CYYR1: variants seen among roughly 807,000 people sequenced by gnomAD.
CYYR1 encodes the protein cysteine and tyrosine-rich protein 1.
CYYR1 carries 14 observed loss-of-function variants against 15.2 expected under a neutral mutation model. The observed-to-expected ratio is 0.92, with a 90% CI of 0.61 to 1.44. The LOEUF (loss-of-function observed/expected upper bound fraction) is 1.44, where lower values mean the gene tolerates loss of function less well. Ranked by LOEUF, CYYR1 falls within the 40% of genes most tolerant of loss-of-function variation. The pLI is 0.00. For missense variants in CYYR1, 228 were observed against 209.5 expected (o/e 1.09, Z -0.54); for synonymous variants, 80 against 77.4 (o/e 1.03, Z -0.18).
At chr21:26,517,069 C>G (rs569323341) in intron 2 of CYYR1, among the ~76,000 whole-genome samples, 1 of 126,384 alleles carries the variant, frequency 7.9e-6, no homozygotes, top group Non-Finnish European at 1.6e-5. Context: ...GAGCCGAGAT[C>G]GCGCCACTGC....
In CYYR1 at chr21:26,572,920, G is replaced by A. The variant is rs373284632; in HGVS notation, c.21C>T (p.Pro7=). Residue 7 remains proline (P), a synonymous_variant, in exon 1 of 4, where the codon CCC becomes CCT. Transcript: ENST00000652641. ...TCGGAAGCAAGACCCCTGGACGCAC[G>A]GGTAGCCTCGGAGCGTCCATCCAAG... MDAPRL[P]VRPGVLLPKL... 5.6e-6 allele frequency: 9 copies of A among 1,614,038 alleles called. No individual in the cohort carries two copies. The highest frequency in any genetic ancestry group is 7.6e-6 in the Non-Finnish European group (9 of 1,180,020).
At chr21:26,511,164 A>G (rs1220738630) in intron 2 of CYYR1, among the ~76,000 whole-genome samples, 1 of 152,242 alleles carries the variant, frequency 6.6e-6, no homozygotes, top group African/African-American at 2.4e-5. Context: ...TAGTAAACAG[A>G]TATTTGCCTC....
In CYYR1 at chr21:26,468,373, CCACCT is replaced by C. The variant is rs2123348074; in HGVS notation, c.*123_*127del. The C allele has an allele frequency of 1.3e-6, 1 of 745,846 alleles. No individual in the cohort carries two copies. The highest frequency in any genetic ancestry group is 1.9e-5 in the Admixed American group (1 of 53,076). The allele number at this position is 745,846 out of a possible 1,614,324, so 46.2% of individuals were successfully genotyped here. A position where few individuals can be genotyped will look rare whatever the true frequency, so the allele number is the denominator to read the frequency against. Reference sequence around the variant, plus strand: ...TCCTATATCTCCTAGCAGGGATATTCCACCTGACACATTATCTGACCCCAAAAAGT... The same window carrying C: ...TCCTATATCTCCTAGCAGGGATATTCGACACATTATCTGACCCCAAAAAGT... On this transcript the variant is annotated 3_prime_UTR_variant, in exon 4 of 4. Transcript: ENST00000652641.
chr21:26,497,486 ATACAGCCT>A (rs1440480540), intron 2 of CYYR1, among the ~76,000 whole-genome samples: 1 of 152,202 alleles, frequency 6.6e-6, no homozygotes, highest in Non-Finnish European at 1.5e-5. Context: ...AAAAATGGTT[ATACAGCCT>A]TCAGCCCTAT....
intron 2 of CYYR1, among the ~76,000 whole-genome samples, chr21:26,547,781 T>TC (rs1433913982): frequency 1.6e-4 from 1 of 6,240 alleles, no homozygotes; most frequent in African/African-American, 1.7e-3. Flanking sequence ...TATTTCTACT[T>TC]TTTTTTTTTT....
At chr21:26,533,239 T>A (rs898850580) in intron 2 of CYYR1, among the ~76,000 whole-genome samples, 5 of 148,906 alleles carry the variant, frequency 3.4e-5, no homozygotes, top group Admixed American at 1.3e-4. Flanking sequence ...CATAGTATAT[T>A]TATAAATACT....
In CYYR1 at chr21:26,573,116, A is replaced by G. The variant is rs1981125456; in HGVS notation, c.-176T>C. The G allele has an allele frequency of 1.3e-6, 2 of 1,511,390 alleles. No individual in the cohort carries two copies. Among genetic ancestry groups the G allele is most frequent in the Non-Finnish European group, 1.8e-6 (2 of 1,134,762 alleles). The allele number at this position is 1,511,390 out of a possible 1,614,324, so 93.6% of individuals were successfully genotyped here. On this transcript the variant is annotated 5_prime_UTR_variant, in exon 1 of 4. Transcript: ENST00000652641. ...GCCCGGGCCGGGCGCGTCCCGGGCCAGCGACTGCGGGACTCCGCGGAGCTG... is the reference window on the plus strand; with the variant it reads ...GCCCGGGCCGGGCGCGTCCCGGGCCGGCGACTGCGGGACTCCGCGGAGCTG...
intron 2 of CYYR1, among the ~76,000 whole-genome samples, chr21:26,510,172 C>G (rs573063509): frequency 6.6e-6 from 1 of 152,248 alleles, no homozygotes; most frequent in East Asian, 1.9e-4. Flanking sequence ...AGTTTGTAAA[C>G]AGAATTTCCA....
intron 2 of CYYR1, among the ~76,000 whole-genome samples, chr21:26,504,559 T>C (rs761187956): frequency 6.6e-6 from 1 of 152,168 alleles, no homozygotes; most frequent in African/African-American, 2.4e-5. Flanking sequence ...ATTTATGGAG[T>C]ACATGAGGTG....
At chr21:26,501,926 AC>A (rs1458238422) in intron 2 of CYYR1, among the ~76,000 whole-genome samples, 1 of 152,212 alleles carries the variant, frequency 6.6e-6, no homozygotes, top group Non-Finnish European at 1.5e-5. Context: ...AAACACATAC[AC>A]CAAAGGATCT....
In CYYR1 at chr21:26,468,564, G is replaced by A. The variant is rs763315936; in HGVS notation, c.405C>T (p.Pro135=). ...YCADLPPPYS[P]TPQGPAQRSP... is the part of the protein sequence containing the mutation. ...AACGCTGTGCTGGACCCTGTGGGGT[G>A]GGGGAGTATGGAGGAGGCAAGTCTG... Residue 135 remains proline, a synonymous_variant, in exon 4 of 4, where the codon CCC becomes CCT. Transcript: ENST00000652641. The A allele has an allele frequency of 6.2e-7, 1 of 1,613,520 alleles. No individual in the cohort carries two copies.
intron 2 of CYYR1, among the ~76,000 whole-genome samples, chr21:26,552,820 A>T (rs529667136): frequency 3.9e-5 from 6 of 152,160 alleles, no homozygotes; most frequent in Non-Finnish European, 7.4e-5. Flanking sequence ...TTACATCTAA[A>T]CCATTGAATG....
chr21:26,531,088 T>C (rs967230386), intron 2 of CYYR1, among the ~76,000 whole-genome samples: 1 of 152,176 alleles, frequency 6.6e-6, no homozygotes, highest in African/African-American at 2.4e-5. Flanking sequence ...CTTGCTGTAA[T>C]AGTCAAAAGC....
chr21:26,480,995 A>G (rs1167625704), intron 2 of CYYR1, among the ~76,000 whole-genome samples: 2 of 152,192 alleles, frequency 1.3e-5, no homozygotes, highest in Non-Finnish European at 2.9e-5. Context: ...TATCCCATTA[A>G]TTCAGGAAGA....
At chr21:26,559,186 A>T (rs1039101922) in intron 2 of CYYR1, among the ~76,000 whole-genome samples, 1 of 152,080 alleles carries the variant, frequency 6.6e-6, no homozygotes, top group Admixed American at 6.6e-5. Flanking sequence ...TCAATGTTTT[A>T]AGTTGGTTTG....
At chr21:26,532,903 G>C (rs17536810) in intron 2 of CYYR1, among the ~76,000 whole-genome samples, 3 of 151,866 alleles carry the variant, frequency 2.0e-5, no homozygotes, top group African/African-American at 7.3e-5. Context: ...AAAAAATGTC[G>C]TATAAAATTA....
At chr21:26,536,237 G>C (rs185365429) in intron 2 of CYYR1, among the ~76,000 whole-genome samples, 1 of 152,068 alleles carries the variant, frequency 6.6e-6, no homozygotes, top group African/African-American at 2.4e-5. Flanking sequence ...TGACACATGC[G>C]GATTACAATT....
chr21:26,498,833 C>A (rs1454440376), intron 2 of CYYR1, among the ~76,000 whole-genome samples: 1 of 151,956 alleles, frequency 6.6e-6, no homozygotes, highest in Non-Finnish European at 1.5e-5. Flanking sequence ...GGGGAAAAGC[C>A]CCTTATAGAA....
intron 3 of CYYR1, among the ~76,000 whole-genome samples, chr21:26,474,929 C>G (rs2065084117): frequency 6.6e-6 from 1 of 152,128 alleles, no homozygotes; most frequent in Admixed American, 6.6e-5. Flanking sequence ...TGGGCCATCA[C>G]TAAAATTACT....
Sources: gnomAD v4.1 joint callset for allele counts (sites outside exome capture counted in the v4.1 genomes callset) on GRCh38, gnomAD v4.1.1 for gene constraint, MANE v1.5 for transcripts, NCBI Gene and HGNC (gene_info 2026-07-23, HGNC 2026-07-21) for gene names.